XYLT1: variants seen among roughly 807,000 people sequenced by gnomAD.
The protein encoded by XYLT1 is xylosyltransferase 1, also known as beta-D-xylosyltransferase 1.
Under a neutral mutation model 91.3 loss-of-function variants are expected in XYLT1, and 36 were observed. The ratio of observed to expected loss-of-function variants is 0.39; its 90% CI spans 0.30 to 0.52. XYLT1 has a LOEUF of 0.52. XYLT1 is among the 20% of genes least tolerant of loss of function. XYLT1 has a pLI of 0.68. For missense variants in XYLT1, 1,242 were observed against 1,284.5 expected (o/e 0.97, Z 0.51); for synonymous variants, 588 against 532.0 (o/e 1.11, Z -1.45).
intron 1 of XYLT1, among the ~76,000 whole-genome samples, chr16:17,451,584 G>A (rs1282653130): frequency 1.3e-5 from 2 of 152,060 alleles, no homozygotes; most frequent in Admixed American, 6.6e-5. Context: ...AAACATCCTG[G>A]GTACATCTGT....
At chr16:17,272,439 C>T (rs1348215381) in intron 2 of XYLT1, among the ~76,000 whole-genome samples, 4 of 152,074 alleles carry the variant, frequency 2.6e-5, no homozygotes, top group Non-Finnish European at 4.4e-5. Context: ...GCTAAGATTA[C>T]AGGCTTTGAG....
rs1425442418 is a variant in XYLT1, at chr16:17,312,056, A to T, written c.402+45956T>A. On this transcript the variant is annotated intron_variant, in intron 2 of 11. Coordinates refer to ENST00000261381, the MANE Select transcript of XYLT1 (RefSeq NM_022166.4). This position sits in a 1 kb window ranked among gnomAD's most constrained non-coding sequence, Gnocchi z 4.4. Reference sequence around the variant, plus strand: ...AACCAAACCATATCAATGGGGGTTTAAGCAGAGGTCTGAGGCCCAGAAAGG... The same window carrying T: ...AACCAAACCATATCAATGGGGGTTTTAGCAGAGGTCTGAGGCCCAGAAAGG... Among the ~76,000 whole-genome samples the T allele has an allele frequency of 1.3e-5, 2 of 152,170 alleles. No homozygotes were observed. The highest frequency in any genetic ancestry group is 6.6e-5 in the Admixed American group (1 of 15,266).
intron 1 of XYLT1, among the ~76,000 whole-genome samples, chr16:17,373,594 G>A (rs2035562888): frequency 6.6e-6 from 1 of 152,200 alleles, no homozygotes; most frequent in East Asian, 1.9e-4. Flanking sequence ...TCATAATAAT[G>A]GTTGTTACCA....
chr16:17,336,142 G>A (rs548912736), intron 2 of XYLT1, among the ~76,000 whole-genome samples: 1 of 152,338 alleles, frequency 6.6e-6, no homozygotes, highest in South Asian at 2.1e-4. Context: ...GGAAGGCAGA[G>A]AGGAAACTGA....
At chr16:17,463,221 G>A (rs906217320) in intron 1 of XYLT1, among the ~76,000 whole-genome samples, 1 of 152,134 alleles carries the variant, frequency 6.6e-6, no homozygotes, top group African/African-American at 2.4e-5. Context: ...AGCAAAAATA[G>A]ACAAACGGGA....
At chr16:17,160,016 A>G (rs2031508686) in intron 5 of XYLT1, among the ~76,000 whole-genome samples, 1 of 152,240 alleles carries the variant, frequency 6.6e-6, no homozygotes, top group Admixed American at 6.5e-5. Context: ...AGAGAGCAGA[A>G]AGATAAAAAA....
intron 1 of XYLT1, among the ~76,000 whole-genome samples, chr16:17,454,435 T>C (rs2036708370): frequency 1.3e-5 from 2 of 152,228 alleles, no homozygotes; most frequent in Non-Finnish European, 2.9e-5. Flanking sequence ...CAGTCTTTGT[T>C]GCAACTACTC....
At chr16:17,382,073 G>A (rs748443203) in intron 1 of XYLT1, among the ~76,000 whole-genome samples, 4 of 151,844 alleles carry the variant, frequency 2.6e-5, no homozygotes, top group Non-Finnish European at 2.9e-5. Context: ...CCACTGTGCC[G>A]TGCCCCCTCC....
At chr16:17,200,217 CA>C (rs57616682) in intron 4 of XYLT1, among the ~76,000 whole-genome samples, 14 of 146,634 alleles carry the variant, frequency 9.5e-5, no homozygotes, top group East Asian at 4.0e-4. Context: ...GACATTCCAT[CA>C]AAAAAAAAAG....
At chr16:17,125,866 C>T (rs896068106) in intron 10 of XYLT1, among the ~76,000 whole-genome samples, 9 of 152,146 alleles carry the variant, frequency 5.9e-5, no homozygotes, top group African/African-American at 2.2e-4. Context: ...ACTGTAGGCA[C>T]TTGGTGACTA....
At chr16:17,164,979 T>C (rs1341449879) in intron 5 of XYLT1, among the ~76,000 whole-genome samples, 1 of 152,162 alleles carries the variant, frequency 6.6e-6, no homozygotes, top group Non-Finnish European at 1.5e-5. Flanking sequence ...GAGGGCTGTG[T>C]AACCACAGGA....
At chr16:17,317,702 C>T (rs1039804045) in intron 2 of XYLT1, among the ~76,000 whole-genome samples, 2 of 150,366 alleles carry the variant, frequency 1.3e-5, no homozygotes, top group Non-Finnish European at 3.0e-5. Context: ...TCTCTTTACC[C>T]TCACATGTTA....
At chr16:17,438,415 G>T (rs1245589947) in intron 1 of XYLT1, among the ~76,000 whole-genome samples, 8 of 151,996 alleles carry the variant, frequency 5.3e-5, no homozygotes, top group African/African-American at 1.7e-4. Context: ...TCCTCATTGG[G>T]GCAACTATGG....
rs764876012 is a variant in XYLT1 at position 17,138,488 on chromosome 16, G to C, written c.1631C>G (p.Thr544Ser). ...GATGCGCAGGTTGTTGTCCACCATGGTGTCGCAGTGGGGGCTGTTCTCCAG... is the reference window on the plus strand; with the variant it reads ...GATGCGCAGGTTGTTGTCCACCATGCTGTCGCAGTGGGGGCTGTTCTCCAG... ...TVLENSPHCD[T>S]MVDNNLRITN... Residue 544 changes from threonine (T) to serine (S), a missense_variant, in exon 8 of 12, where the codon ACC becomes AGC. Physicochemically the swap from Thr to Ser is moderately conservative, Grantham distance 58 (BLOSUM62 1). Coordinates refer to ENST00000261381, the MANE Select transcript of XYLT1 (RefSeq NM_022166.4). 2 of 1,614,172 alleles carry C rather than the reference G, an allele frequency of 1.2e-6. No homozygotes were observed. The highest frequency in any genetic ancestry group is 2.2e-5 in the South Asian group (2 of 91,080).
intron 2 of XYLT1, among the ~76,000 whole-genome samples, chr16:17,351,192 C>T (rs1279880105): frequency 6.6e-6 from 1 of 152,082 alleles, no homozygotes; most frequent in East Asian, 1.9e-4. Context: ...CAGAGTCAGT[C>T]ATGTCAATGC....
chr16:17,138,264 AAGATGACCTGC>A (rs2030832771), intron 8 of XYLT1, 80 bp downstream of exon 8: 2 of 1,488,544 alleles, frequency 1.3e-6, no homozygotes, highest in Admixed American at 1.9e-5. Flanking sequence ...ACCATGTGAT[AAGATGACCTGC>A]AGGTCTGGCC....
At chr16:17,367,127 C>T (rs768372733) in intron 1 of XYLT1, among the ~76,000 whole-genome samples, 3 of 152,182 alleles carry the variant, frequency 2.0e-5, no homozygotes, top group Non-Finnish European at 4.4e-5. Context: ...AGATGTTCTA[C>T]CAGAGCCCGG....
chr16:17,310,387 A>G (rs2141820758), intron 2 of XYLT1, among the ~76,000 whole-genome samples: 1 of 152,322 alleles, frequency 6.6e-6, no homozygotes, highest in African/African-American at 2.4e-5. Flanking sequence ...GTCTCCGTAC[A>G]CTGGGAATTT....
At chr16:17,283,333 A>T (rs1012819309) in intron 2 of XYLT1, among the ~76,000 whole-genome samples, 5 of 152,206 alleles carry the variant, frequency 3.3e-5, no homozygotes, top group Admixed American at 1.3e-4. Flanking sequence ...GGCCGGGGGC[A>T]GTCACAGTCA....
Sources: allele counts gnomAD v4.1 joint callset (sites outside exome capture counted in the v4.1 genomes callset), GRCh38; gene constraint gnomAD v4.1.1; non-coding constraint Gnocchi (gnomAD v3.1); transcripts MANE v1.5; gene names NCBI Gene and HGNC (gene_info 2026-07-23, HGNC 2026-07-21).